MBOAT1: variants seen among roughly 807,000 people sequenced by gnomAD.
MBOAT1 encodes the protein membrane bound glycerophospholipid O-acyltransferase 1.
In MBOAT1, 67 loss-of-function variants were observed where a neutral mutation model predicts 64.4. The observed-to-expected ratio is 1.04, with a 90% CI of 0.85 to 1.27. The LOEUF (loss-of-function observed/expected upper bound fraction) is 1.27. MBOAT1 is among the 50% of genes most tolerant of loss of function. The probability of loss-of-function intolerance (pLI) is 0.00; values close to 1 mark genes in which losing one functional copy is unlikely to be tolerated. For synonymous variants in MBOAT1, 229 were observed against 218.9 expected (o/e 1.05, Z -0.41); for missense variants, 563 against 604.6 (o/e 0.93, Z 0.72).
At chr6:20,192,183 G>T (rs1762820635) in intron 1 of MBOAT1, among the ~76,000 whole-genome samples, 1 of 151,974 alleles carries the variant, frequency 6.6e-6, no homozygotes, top group Non-Finnish European at 1.5e-5. Flanking sequence ...CACTTCCTGG[G>T]TACACTAAAC....
intron 1 of MBOAT1, among the ~76,000 whole-genome samples, chr6:20,205,196 C>G (rs900033710): frequency 5.3e-5 from 8 of 151,102 alleles, no homozygotes; most frequent in Non-Finnish European, 1.5e-5. Context: ...GAGATCCCAT[C>G]TCAGAAAGAA....
At chr6:20,188,912 A>T (rs146468186) in intron 1 of MBOAT1, among the ~76,000 whole-genome samples, 3 of 152,112 alleles carry the variant, frequency 2.0e-5, no homozygotes, top group African/African-American at 7.2e-5. Context: ...TCAACCAAGG[A>T]CCCATCCTAA....
At chr6:20,178,067 T>G (rs1284077184) in intron 1 of MBOAT1, among the ~76,000 whole-genome samples, 2 of 152,188 alleles carry the variant, frequency 1.3e-5, no homozygotes, top group Non-Finnish European at 2.9e-5. Context: ...ATTCTAACAT[T>G]AAAGTGCTCT....
At chr6:20,103,312 A>T (rs578008420) in intron 12 of MBOAT1, among the ~76,000 whole-genome samples, 4 of 152,344 alleles carry the variant, frequency 2.6e-5, no homozygotes, top group Admixed American at 2.6e-4. Flanking sequence ...AATTTTTAAC[A>T]AAAAAGGTTT....
chr6:20,132,992 G>A (rs2113663541), intron 4 of MBOAT1, among the ~76,000 whole-genome samples: 1 of 152,198 alleles, frequency 6.6e-6, no homozygotes, highest in South Asian at 2.1e-4. Flanking sequence ...TGAAAATAAT[G>A]AGGATACATT....
At chr6:20,193,301 C>T (rs1232859909) in intron 1 of MBOAT1, among the ~76,000 whole-genome samples, 7 of 152,190 alleles carry the variant, frequency 4.6e-5, no homozygotes, top group African/African-American at 1.4e-4. Flanking sequence ...CCACCGCGCC[C>T]GGCCTATAAT....
chr6:20,112,788 C>T (rs1561746727), intron 11 of MBOAT1, 88 bp downstream of exon 11: 1 of 1,436,554 alleles, frequency 7.0e-7, no homozygotes, highest in Admixed American at 2.2e-5. Flanking sequence ...CACATCCCAC[C>T]CCCAACCCCT....
chr6:20,192,995 CTT>C (rs1174816793), intron 1 of MBOAT1, among the ~76,000 whole-genome samples: 5 of 55,036 alleles, frequency 9.1e-5, no homozygotes, highest in South Asian at 1.6e-3. Flanking sequence ...GCTATAATTT[CTT>C]TTTTTTTTTT....
chr6:20,136,217 G>A (rs1367399152), intron 4 of MBOAT1, among the ~76,000 whole-genome samples: 1 of 152,194 alleles, frequency 6.6e-6, no homozygotes. Context: ...CACGCCTCTG[G>A]ACTCATTTCA....
At chr6:20,157,114 T>TC (rs1761712765) in intron 1 of MBOAT1, among the ~76,000 whole-genome samples, 1 of 151,382 alleles carries the variant, frequency 6.6e-6, no homozygotes, top group Non-Finnish European at 1.5e-5. Flanking sequence ...AAGAACCCCA[T>TC]CCACCCAAAA....
intron 1 of MBOAT1, among the ~76,000 whole-genome samples, chr6:20,155,113 C>T (rs1189985223): frequency 3.3e-5 from 5 of 152,214 alleles, no homozygotes; most frequent in African/African-American, 1.2e-4. Flanking sequence ...AGCATGTGCA[C>T]ATGAGGAATG....
intron 4 of MBOAT1, among the ~76,000 whole-genome samples, chr6:20,141,923 C>T (rs1761189449): frequency 6.6e-6 from 1 of 152,172 alleles, no homozygotes; most frequent in African/African-American, 2.4e-5. Context: ...CCACAGGCAC[C>T]TGTCTTGCAT....
At chr6:20,174,582 G>C (rs1762289179) in intron 1 of MBOAT1, among the ~76,000 whole-genome samples, 1 of 152,186 alleles carries the variant, frequency 6.6e-6, no homozygotes, top group African/African-American at 2.4e-5. Context: ...GGTGAGCCTA[G>C]GACATGAGTG....
At chr6:20,166,997 A>G (rs1480170222) in intron 1 of MBOAT1, among the ~76,000 whole-genome samples, 1 of 152,148 alleles carries the variant, frequency 6.6e-6, no homozygotes, top group East Asian at 1.9e-4. Context: ...AGAAAAGAAA[A>G]GAAAAGAAAC....
At chr6:20,150,059 A>G (rs1222815667) in intron 3 of MBOAT1, among the ~76,000 whole-genome samples, 1 of 152,194 alleles carries the variant, frequency 6.6e-6, no homozygotes, top group African/African-American at 2.4e-5. Flanking sequence ...TAGAACTTAC[A>G]TTGCAGCATT....
In MBOAT1 at chr6:20,101,664, AAAT is replaced by A. The variant is rs1759790255; in HGVS notation, c.*619_*621del. ...CCAGCATCCAGGTCACAGTAGCTGG[AAAT>A]CATGCAGGAAGGGCAAAAAGCCAGC... is the stretch of plus-strand genomic sequence containing the variant. On this transcript the variant is annotated 3_prime_UTR_variant, in exon 13 of 13. Transcript: ENST00000324607. Among the ~76,000 whole-genome samples the A allele has an allele frequency of 6.6e-6, 1 of 152,194 alleles. No individual in the cohort carries two copies. Among genetic ancestry groups the A allele is most frequent in the African/African-American group, 2.4e-5 (1 of 41,446 alleles).
intron 12 of MBOAT1, among the ~76,000 whole-genome samples, chr6:20,107,515 T>C (rs1350126768): frequency 6.6e-6 from 1 of 152,144 alleles, no homozygotes; most frequent in Non-Finnish European, 1.5e-5. Context: ...CTCTTAAAAC[T>C]CTATACCATT....
intron 1 of MBOAT1, among the ~76,000 whole-genome samples, chr6:20,174,305 CAT>C (rs1192771567): frequency 1.3e-5 from 2 of 152,182 alleles, no homozygotes; most frequent in African/African-American, 4.8e-5. Context: ...ATGCAAGCAT[CAT>C]AGAGTGTACT....
At chr6:20,126,420 G>C in intron 7 of MBOAT1, 97 bp downstream of exon 7, 1 of 1,044,850 alleles carries the variant, frequency 9.6e-7, no homozygotes, top group South Asian at 1.7e-5. Flanking sequence ...TATTGGCCAA[G>C]CTTTCTGGTA....
Sources: gnomAD v4.1 joint callset for allele counts (sites outside exome capture counted in the v4.1 genomes callset) on GRCh38, gnomAD v4.1.1 for gene constraint, MANE v1.5 for transcripts, NCBI Gene and HGNC (gene_info 2026-07-23, HGNC 2026-07-21) for gene names.